Variants in SOX5 observed in about 807,000 individuals in gnomAD.
The protein encoded by SOX5 is SRY-box transcription factor 5, also known as transcription factor SOX-5.
Under a neutral mutation model 92.0 loss-of-function variants are expected in SOX5, and 9 were observed. The observed-to-expected ratio is 0.10, with a 90% CI of 0.06 to 0.17. The LOEUF (loss-of-function observed/expected upper bound fraction) is 0.17, where lower values mean the gene tolerates loss of function less well. SOX5 is among the 10% of genes least tolerant of loss of function. The pLI, the probability that SOX5 is intolerant of heterozygous loss-of-function variation, is 1.00. For missense variants in SOX5, 642 were observed against 944.5 expected (o/e 0.68, Z 4.20); for synonymous variants, 344 against 336.3 (o/e 1.02, Z -0.25).
intron 2 of SOX5, among the ~76,000 whole-genome samples, chr12:24,283,124 T>C (rs1194730157): frequency 6.6e-6 from 1 of 152,242 alleles, no homozygotes; most frequent in Non-Finnish European, 1.5e-5. Context: ...AAACACTTTG[T>C]GATCCCATCT....
At chr12:24,027,692 T>C (rs1033911294) in intron 4 of SOX5, among the ~76,000 whole-genome samples, 4 of 151,878 alleles carry the variant, frequency 2.6e-5, no homozygotes, top group Non-Finnish European at 4.4e-5. Flanking sequence ...GATGGTAAGT[T>C]TGAAGACCAG....
At chr12:24,298,800 A>C (rs978256585) in intron 2 of SOX5, among the ~76,000 whole-genome samples, 34 of 123,326 alleles carry the variant, frequency 2.8e-4, no homozygotes, top group African/African-American at 7.3e-4. Context: ...AAAAAAAAAA[A>C]CTACATTTTT....
rs530451410 is a variant in SOX5 at position 24,216,658 on chromosome 12, C to T, written c.-76-3241G>A. On this transcript the variant is annotated intron_variant, in intron 3 of 4. Transcript: ENST00000446891. ...GGACATGAGCTCGGGTGCGGTGGCC[C>T]ATGCCTGTAATCCCAGCACTTTGGG... Among the ~76,000 whole-genome samples the T allele has an allele frequency of 3.3e-5, 5 of 150,690 alleles. No homozygotes were observed. In the South Asian group the frequency reaches 1.1e-3, roughly 32 times the overall value.
intron 7 of SOX5, among the ~76,000 whole-genome samples, chr12:23,649,689 G>A (rs2081309164): frequency 6.6e-6 from 1 of 152,046 alleles, no homozygotes; most frequent in Non-Finnish European, 1.5e-5. Context: ...AGTGTCTACT[G>A]ACACAAATGA....
At chr12:24,023,960 T>C (rs1363380776) in intron 4 of SOX5, among the ~76,000 whole-genome samples, 1 of 152,040 alleles carries the variant, frequency 6.6e-6, no homozygotes, top group African/African-American at 2.4e-5. Context: ...TATCTTTACG[T>C]GTCCTGTTAT....
chr12:23,870,065 G>A (rs1332551236), intron 2 of SOX5, among the ~76,000 whole-genome samples: 2 of 152,014 alleles, frequency 1.3e-5, no homozygotes, highest in South Asian at 2.1e-4. Flanking sequence ...TTAAGATTTA[G>A]ATAAAACACG....
At chr12:23,598,575 T>C (rs1418696319) in intron 9 of SOX5, among the ~76,000 whole-genome samples, 1 of 151,438 alleles carries the variant, frequency 6.6e-6, no homozygotes, top group Non-Finnish European at 1.5e-5. Flanking sequence ...ATTTTTTGTA[T>C]TTTTTAGTAG....
chr12:24,474,643 C>A (rs1033952944), intron 1 of SOX5, among the ~76,000 whole-genome samples: 4 of 151,818 alleles, frequency 2.6e-5, no homozygotes, highest in African/African-American at 9.7e-5. Flanking sequence ...TCAAGCGATT[C>A]TCCTGCCTCA....
At chr12:24,348,492 C>A (rs1953636394) in intron 2 of SOX5, among the ~76,000 whole-genome samples, 1 of 152,036 alleles carries the variant, frequency 6.6e-6, no homozygotes, top group Non-Finnish European at 1.5e-5. Flanking sequence ...AAGTGATTCT[C>A]CTGCCTCAGC....
intron 3 of SOX5, among the ~76,000 whole-genome samples, chr12:24,242,758 G>C (rs1277318281): frequency 6.6e-6 from 1 of 152,160 alleles, no homozygotes; most frequent in African/African-American, 2.4e-5. Context: ...CTCATGTATA[G>C]TTAGCGAGAG....
intron 2 of SOX5, among the ~76,000 whole-genome samples, chr12:23,857,160 G>T (rs752322636): frequency 6.6e-6 from 1 of 152,048 alleles, no homozygotes; most frequent in Non-Finnish European, 1.5e-5. Flanking sequence ...AAGAAATGAA[G>T]AATAATAAAT....
At chr12:24,476,001 A>T (rs867492859) in intron 1 of SOX5, among the ~76,000 whole-genome samples, 2,766 of 144,066 alleles carry the variant, frequency 0.019, 94 homozygotes, top group African/African-American at 0.067. Context: ...TTTAAAAAAA[A>T]AAAAAAAAAA....
chr12:23,929,022 G>T (rs35914169), intron 1 of SOX5, among the ~76,000 whole-genome samples: 62,383 of 150,978 alleles, frequency 0.41, 13,382 homozygotes, highest in Non-Finnish European at 0.46. Flanking sequence ...CTCTGGTAGT[G>T]TTTTTTTAAA....
intron 3 of SOX5, among the ~76,000 whole-genome samples, chr12:24,214,130 A>G (rs1008622095): frequency 1.1e-4 from 16 of 152,134 alleles, no homozygotes; most frequent in Admixed American, 2.6e-4. Context: ...CACTTAGCAA[A>G]GCACGGTGCT....
At chr12:24,507,630 A>T (rs1948920116) in intron 1 of SOX5, among the ~76,000 whole-genome samples, 1 of 152,224 alleles carries the variant, frequency 6.6e-6, no homozygotes, top group African/African-American at 2.4e-5. Context: ...CATTATGTGC[A>T]GGGAATTAGA....
At chr12:23,608,635 T>C (rs1244816562) in intron 8 of SOX5, among the ~76,000 whole-genome samples, 2 of 152,130 alleles carry the variant, frequency 1.3e-5, no homozygotes, top group African/African-American at 2.4e-5. Context: ...TGAATTCTAA[T>C]TGCAACTCTA....
At chr12:23,922,936 G>C (rs1043332927) in intron 1 of SOX5, among the ~76,000 whole-genome samples, 1 of 150,564 alleles carries the variant, frequency 6.6e-6, no homozygotes, top group African/African-American at 2.4e-5. Flanking sequence ...GTCAAGGGAA[G>C]CTCCTTCTTT....
chr12:24,327,981 C>T (rs546939116), intron 2 of SOX5, among the ~76,000 whole-genome samples: 11 of 152,060 alleles, frequency 7.2e-5, no homozygotes, highest in South Asian at 2.1e-4. Context: ...CATGAACCAC[C>T]GCACCCAGCC....
At chr12:23,611,891 A>G (rs1165975401) in intron 8 of SOX5, among the ~76,000 whole-genome samples, 12 of 151,656 alleles carry the variant, frequency 7.9e-5, no homozygotes, top group Admixed American at 5.9e-4. Flanking sequence ...ATTAAACTTC[A>G]TAGGAGAGCT....
Sources: gnomAD v4.1 joint callset for allele counts (sites outside exome capture counted in the v4.1 genomes callset) on GRCh38, gnomAD v4.1.1 for gene constraint, MANE v1.5 for transcripts, NCBI Gene and HGNC (gene_info 2026-07-23, HGNC 2026-07-21) for gene names.